The following KIAA1217 variants were observed in gnomAD, a reference collection of about 807,000 sequenced individuals.
KIAA1217 encodes the protein sickle tail protein homolog.
A neutral mutation model predicts 163.9 loss-of-function variants in KIAA1217; 88 were observed. The observed-to-expected ratio is 0.54, with a 90% CI of 0.45 to 0.64. KIAA1217 has a LOEUF of 0.64. Among genes scored for constraint, KIAA1217 ranks in the 30% least tolerant of loss-of-function variants. KIAA1217 has a pLI of 0.00. For missense variants in KIAA1217, 2,372 were observed against 2,475.0 expected, an observed-to-expected ratio of 0.96 and a Z score of 0.88; for synonymous variants, 903 against 923.1, an observed-to-expected ratio of 0.98 and a Z score of 0.39.
chr10:24,230,510 T>G (rs917150915), intron 2 of KIAA1217, among the ~76,000 whole-genome samples: 1 of 140,404 alleles, frequency 7.1e-6, no homozygotes, highest in Non-Finnish European at 1.5e-5. Flanking sequence ...TTGTTTTTTT[T>G]TTTTTTTTTT....
intron 2 of KIAA1217, among the ~76,000 whole-genome samples, chr10:24,249,626 A>G (rs1487250837): frequency 6.6e-6 from 1 of 152,236 alleles, no homozygotes; most frequent in Non-Finnish European, 1.5e-5. Context: ...TACAATAAAA[A>G]TATTCCCCAT....
intron 5 of KIAA1217, among the ~76,000 whole-genome samples, chr10:24,447,639 A>G (rs778891445): frequency 7.2e-5 from 11 of 152,196 alleles, no homozygotes; most frequent in Non-Finnish European, 1.5e-4. Flanking sequence ...ATAGAAAAAG[A>G]TACTTACTTC....
chr10:24,459,153 G>T (rs2062101826), intron 5 of KIAA1217, among the ~76,000 whole-genome samples: 1 of 152,210 alleles, frequency 6.6e-6, no homozygotes, highest in Admixed American at 6.5e-5. Flanking sequence ...TGGGTCGGTA[G>T]TCTAGCCATT....
At chr10:24,460,076 A>G (rs2062225635) in intron 5 of KIAA1217, among the ~76,000 whole-genome samples, 1 of 152,242 alleles carries the variant, frequency 6.6e-6, no homozygotes, top group Admixed American at 6.5e-5. Context: ...TTTCAGAGCC[A>G]CTGGCCTGGC....
At chr10:23,934,557 G>GTGTA (rs1491341162) in intron 1 of KIAA1217, among the ~76,000 whole-genome samples, 1 of 44,348 alleles carries the variant, frequency 2.3e-5, no homozygotes, top group Non-Finnish European at 3.9e-5. Context: ...GGTCTTTAAA[G>GTGTA]TATATATATA....
chr10:24,016,747 T>G lies in KIAA1217; in HGVS notation c.-171+9373T>G, dbSNP rs543720137. Among the ~76,000 whole-genome samples, 48 of 152,188 alleles carry G rather than the reference T, an allele frequency of 3.2e-4. No homozygotes were observed. The South Asian group carries it at 9.1e-3, about 29-fold the overall frequency. Reference sequence around the variant, plus strand: ...TTATTTAACCTCTTTCTGCCTCAGTTTCCTCATGTAAAAATAAGCATAGTA... The same window carrying G: ...TTATTTAACCTCTTTCTGCCTCAGTGTCCTCATGTAAAAATAAGCATAGTA... On this transcript the variant is annotated intron_variant, in intron 2 of 18. Coordinates refer to the KIAA1217 transcript ENST00000376462.
In KIAA1217 at chr10:24,546,446, T is replaced by C. The variant is rs989611426; in HGVS notation, c.*122T>C. The stretch of plus-strand genomic sequence containing the variant: ...ATCGTTTGAGGCTTAATGCTAAATA[T>C]GTGCTAAATACTGGATTAATAGATT... On this transcript the variant is annotated 3_prime_UTR_variant, in exon 21 of 21. Coordinates refer to ENST00000376454, the MANE Select transcript of KIAA1217 (RefSeq NM_019590.5). 2.9e-6 allele frequency: 3 copies of C among 1,023,296 alleles called. No individual in the cohort carries two copies. The highest frequency in any genetic ancestry group is 5.2e-5 in the East Asian group (2 of 38,326). The allele number at this position is 1,023,296 out of a possible 1,614,324, so 63.4% of individuals were successfully genotyped here. A position where few individuals can be genotyped will look rare whatever the true frequency, so the allele number is the denominator to read the frequency against.
At chr10:23,804,414 T>C (rs898314802) in intron 1 of KIAA1217, among the ~76,000 whole-genome samples, 1 of 152,218 alleles carries the variant, frequency 6.6e-6, no homozygotes, top group Admixed American at 6.5e-5. Flanking sequence ...AATTTCTCTG[T>C]ATGAGTACGG....
At chr10:24,232,522 G>A (rs1327570584) in intron 2 of KIAA1217, among the ~76,000 whole-genome samples, 6 of 152,126 alleles carry the variant, frequency 3.9e-5, no homozygotes, top group African/African-American at 7.2e-5. Context: ...GGCAAGAACC[G>A]AAGTCTAGCT....
At chr10:24,343,487 C>T (rs906449367) in intron 2 of KIAA1217, among the ~76,000 whole-genome samples, 1 of 151,988 alleles carries the variant, frequency 6.6e-6, no homozygotes, top group African/African-American at 2.4e-5. Context: ...ATTTTTAGAC[C>T]ACTTCATAAA....
chr10:24,154,191 T>G (rs1564764246), intron 2 of KIAA1217, among the ~76,000 whole-genome samples: 1 of 151,730 alleles, frequency 6.6e-6, no homozygotes, highest in Admixed American at 6.6e-5. Context: ...TCTCCTGACC[T>G]CGTGATCCGC....
chr10:24,168,369 A>G (rs1292043910), intron 2 of KIAA1217, among the ~76,000 whole-genome samples: 6 of 152,206 alleles, frequency 3.9e-5, no homozygotes, highest in African/African-American at 1.4e-4. Context: ...AGCATGCACA[A>G]TTAGAAAACA....
intron 1 of KIAA1217, among the ~76,000 whole-genome samples, chr10:24,210,267 C>A (rs190379025): frequency 2.0e-5 from 3 of 152,150 alleles, no homozygotes; most frequent in African/African-American, 7.2e-5. Flanking sequence ...GTCAGGAGAA[C>A]TTACAATGAC....
rs2131723761 is a variant in KIAA1217 at position 24,261,529 on chromosome 10, GCTGAGC to G, written c.354+41621_354+41626del. Among the ~76,000 whole-genome samples the G allele has an allele frequency of 2.0e-5, 3 of 151,430 alleles. 1 individual carries two copies. Among genetic ancestry groups the G allele is most frequent in the African/African-American group, 7.3e-5 (3 of 41,312 alleles). On this transcript the variant is annotated intron_variant, in intron 2 of 20. Transcript: ENST00000376454. ...AAAAAAAAAAAGCATTTAATCTGGT[GCTGAGC>G]TGACCTCTTGTACTCTGATTTTTTC...
intron 3 of KIAA1217, among the ~76,000 whole-genome samples, chr10:24,400,727 A>T (rs2056426128): frequency 1.3e-5 from 2 of 152,126 alleles, no homozygotes; most frequent in African/African-American, 4.8e-5. Flanking sequence ...GTCAACCAGA[A>T]TATAAATATG....
intron 2 of KIAA1217, among the ~76,000 whole-genome samples, chr10:24,276,136 A>G (rs1009866355): frequency 2.0e-5 from 3 of 152,180 alleles, no homozygotes; most frequent in African/African-American, 7.2e-5. Flanking sequence ...TTGGGCTACA[A>G]GGTCATTGGA....
At chr10:24,521,630 C>A in intron 11 of KIAA1217, 152 bp from the exon 12 acceptor site, 1 of 852,376 alleles carries the variant, frequency 1.2e-6, no homozygotes, top group Non-Finnish European at 1.8e-6. Context: ...TCCAATGCTC[C>A]TCTGTGCTCT....
At chr10:24,095,679 A>C (rs1408553769) in intron 2 of KIAA1217, among the ~76,000 whole-genome samples, 1 of 152,146 alleles carries the variant, frequency 6.6e-6, no homozygotes, top group Non-Finnish European at 1.5e-5. Context: ...TTATGGTCTC[A>C]ACTACCAAAT....
chr10:24,410,097 A>G (rs1365463396), intron 3 of KIAA1217, among the ~76,000 whole-genome samples: 1 of 150,046 alleles, frequency 6.7e-6, no homozygotes, highest in East Asian at 2.0e-4. Context: ...CCCGGGTTCA[A>G]GCGATTCTCC....
Sources: gnomAD v4.1 joint callset for allele counts (sites outside exome capture counted in the v4.1 genomes callset) on GRCh38, gnomAD v4.1.1 for gene constraint, MANE v1.5 for transcripts, NCBI Gene and HGNC (gene_info 2026-07-23, HGNC 2026-07-21) for gene names.